OSBPL10: variants seen among roughly 807,000 people sequenced by gnomAD.
OSBPL10 encodes oxysterol binding protein like 10.
OSBPL10 carries 49 observed loss-of-function variants against 81.7 expected under a neutral mutation model. The observed-to-expected ratio is 0.60, with a 90% CI of 0.48 to 0.76. The LOEUF (loss-of-function observed/expected upper bound fraction) is 0.76, where lower values mean the gene tolerates loss of function less well. OSBPL10 is among the 30% of genes least tolerant of loss of function. The pLI is 0.00. For missense variants in OSBPL10, 923 were observed against 987.8 expected, an observed-to-expected ratio of 0.93 and a Z score of 0.88; for synonymous variants, 419 against 383.6, an observed-to-expected ratio of 1.09 and a Z score of -1.08.
chr3:31,805,869 G>A (rs1341222121), intron 4 of OSBPL10, among the ~76,000 whole-genome samples: 2 of 152,180 alleles, frequency 1.3e-5, no homozygotes, highest in Non-Finnish European at 2.9e-5. Flanking sequence ...CGATGACGAT[G>A]GTAGCAGGGT....
intron 4 of OSBPL10, among the ~76,000 whole-genome samples, chr3:31,756,195 G>A (rs967407340): frequency 3.3e-5 from 5 of 152,130 alleles, no homozygotes; most frequent in South Asian, 2.1e-4. Context: ...TTAGTCCTCC[G>A]GCTCCACTTC....
upstream of OSBPL10, among the ~76,000 whole-genome samples, chr3:31,984,466 T>A (rs1363006000): frequency 6.6e-6 from 1 of 152,038 alleles, no homozygotes; most frequent in Non-Finnish European, 1.5e-5. Context: ...CTGAGTCAGT[T>A]CCTGAGTAAG....
intron 1 of OSBPL10, among the ~76,000 whole-genome samples, chr3:31,891,826 T>C (rs1348515763): frequency 6.6e-6 from 1 of 152,178 alleles, no homozygotes; most frequent in Non-Finnish European, 1.5e-5. Flanking sequence ...AGAGAATCCA[T>C]ATAAAAGCTC....
At chr3:32,060,378 C>T (rs919675002) in intron 1 of OSBPL10, among the ~76,000 whole-genome samples, 6 of 152,176 alleles carry the variant, frequency 3.9e-5, no homozygotes, top group South Asian at 2.1e-4. Context: ...TTCTCTGTCT[C>T]GCTGTCCATC....
intron 1 of OSBPL10, among the ~76,000 whole-genome samples, chr3:31,924,431 T>C (rs1325178220): frequency 6.6e-6 from 1 of 151,638 alleles, no homozygotes; most frequent in Non-Finnish European, 1.5e-5. Flanking sequence ...ATCCAGAGAG[T>C]AGATTCAAGA....
chr3:31,766,337 G>GTTTTTTTTTTTTTTTTT (rs1259127969), intron 4 of OSBPL10, among the ~76,000 whole-genome samples: 1 of 26,780 alleles, frequency 3.7e-5, no homozygotes, highest in African/African-American at 5.8e-5. Context: ...TTGTTTTTTT[G>GTTTTTTTTTTTTTTTTT]TTTTTTTTTG....
chr3:31,968,585 A>C (rs1698471734), intron 1 of OSBPL10, among the ~76,000 whole-genome samples: 1 of 152,006 alleles, frequency 6.6e-6, no homozygotes. Context: ...ACTTTCTTTG[A>C]TACAAAGATT....
At chr3:32,046,498 T>C (rs1699623560) in exon 2 of OSBPL10, 1 of 152,204 alleles carries the variant, frequency 6.6e-6, no homozygotes, top group African/African-American at 2.4e-5. Context: ...CACCCAGGCA[T>C]CTGCAATTTA....
At chr3:31,962,044 T>C (rs1698182290) in intron 1 of OSBPL10, among the ~76,000 whole-genome samples, 1 of 152,034 alleles carries the variant, frequency 6.6e-6, no homozygotes, top group Non-Finnish European at 1.5e-5. Context: ...AACCTCTGCC[T>C]CCTAGGCTCA....
At position 31,668,778 on chromosome 3, in the gene OSBPL10, TACAA is replaced by T; in HGVS notation, c.1956_1959del (p.Cys653LysfsTer10). 2 of 1,613,840 alleles carry T rather than the reference TACAA, an allele frequency of 1.2e-6. No homozygotes were observed. The highest frequency in any genetic ancestry group is 1.7e-6 in the Non-Finnish European group (2 of 1,179,788). On this transcript the variant is annotated frameshift_variant, in exon 10 of 12. Coordinates refer to ENST00000396556, the MANE Select transcript of OSBPL10 (RefSeq NM_017784.5). LOFTEE classifies it high-confidence loss of function. The stretch of plus-strand genomic sequence containing the variant: ...GTACCATTCCATTCCCCATGGGCTT[TACAA>T]ACAATGGTGTTGGTTGGGTTGTGCT...
At chr3:31,853,592 C>T (rs1271786891) in intron 3 of OSBPL10, among the ~76,000 whole-genome samples, 1 of 152,200 alleles carries the variant, frequency 6.6e-6, no homozygotes, top group Non-Finnish European at 1.5e-5. Context: ...CAGCCCAGAA[C>T]TGACTCTACT....
At chr3:31,793,848 G>A (rs1699103287) in intron 4 of OSBPL10, among the ~76,000 whole-genome samples, 1 of 152,192 alleles carries the variant, frequency 6.6e-6, no homozygotes, top group South Asian at 2.1e-4. Context: ...AACAACCTCA[G>A]ATGAAAAATA....
intron 10 of OSBPL10, among the ~76,000 whole-genome samples, chr3:31,665,875 TAAG>T (rs1700176012): frequency 6.6e-6 from 1 of 152,096 alleles, no homozygotes; most frequent in African/African-American, 2.4e-5. Context: ...AGTCCCATCT[TAAG>T]ACAGTGGCCC....
intron 1 of OSBPL10, among the ~76,000 whole-genome samples, chr3:31,880,216 C>T (rs777317059): frequency 1.9e-4 from 29 of 152,214 alleles, no homozygotes; most frequent in Non-Finnish European, 4.0e-4. Context: ...TTCACAAGGC[C>T]TCCAGGAGAG....
At chr3:31,721,918 TTTACATTC>T (rs1260339555) in intron 6 of OSBPL10, among the ~76,000 whole-genome samples, 1 of 152,296 alleles carries the variant, frequency 6.6e-6, no homozygotes, top group Admixed American at 6.5e-5. Context: ...GATTCACATG[TTTACATTC>T]TTACATGCAA....
At chr3:31,986,636 A>G (rs1391297707) in intron 2 of OSBPL10, among the ~76,000 whole-genome samples, 1 of 152,200 alleles carries the variant, frequency 6.6e-6, no homozygotes, top group Non-Finnish European at 1.5e-5. Flanking sequence ...AAATATACAA[A>G]TAAAATAGGC....
chr3:31,739,811 T>C (rs887820052), intron 5 of OSBPL10, among the ~76,000 whole-genome samples: 6 of 152,268 alleles, frequency 3.9e-5, no homozygotes, highest in African/African-American at 1.4e-4. Context: ...TAGCAGCCCA[T>C]GCTAAGACAC....
intron 4 of OSBPL10, among the ~76,000 whole-genome samples, chr3:31,783,146 T>TATATATATATACACAC (rs1485968747): frequency 9.9e-4 from 112 of 112,848 alleles, no homozygotes; most frequent in Non-Finnish European, 1.5e-3. Flanking sequence ...TATATATATA[T>TATATATATATACACAC]ACACACACAC....
intron 1 of OSBPL10, among the ~76,000 whole-genome samples, chr3:31,916,349 T>A (rs748376305): frequency 6.6e-6 from 1 of 152,190 alleles, no homozygotes; most frequent in Non-Finnish European, 1.5e-5. Context: ...CGTAAAATGT[T>A]CCTTCTTGGT....
Sources: allele counts gnomAD v4.1 joint callset (sites outside exome capture counted in the v4.1 genomes callset), GRCh38; gene constraint gnomAD v4.1.1; transcripts MANE v1.5; gene names NCBI Gene and HGNC (gene_info 2026-07-23, HGNC 2026-07-21).